ICA1L: variants seen among roughly 807,000 people sequenced by gnomAD.
The protein encoded by ICA1L is islet cell autoantigen 1-like protein.
In ICA1L, 50 loss-of-function variants were observed where a neutral mutation model predicts 61.3. The observed-to-expected ratio is 0.82, with a 90% CI of 0.65 to 1.03. The LOEUF (loss-of-function observed/expected upper bound fraction) is 1.03. Ranked by LOEUF, ICA1L falls within the 50% of genes least tolerant of loss-of-function variation. ICA1L has a pLI of 0.00. For missense variants in ICA1L, 508 were observed against 556.7 expected (o/e 0.91, Z 0.88); for synonymous variants, 161 against 191.3 (o/e 0.84, Z 1.31).
chr2:202,821,035 T>G (rs1029135795), intron 4 of ICA1L, among the ~76,000 whole-genome samples: 2 of 152,208 alleles, frequency 1.3e-5, no homozygotes, highest in Non-Finnish European at 2.9e-5. Flanking sequence ...TTTAAGATGT[T>G]AGTCATTCTG....
chr2:202,779,899 C>A (rs1459160029), intron 12 of ICA1L, among the ~76,000 whole-genome samples: 1 of 151,076 alleles, frequency 6.6e-6, no homozygotes, highest in East Asian at 2.0e-4. Flanking sequence ...CCCACCTCAG[C>A]CTCCGAGAAC....
intron 9 of ICA1L, among the ~76,000 whole-genome samples, chr2:202,806,138 C>G (rs1574340797): frequency 6.6e-6 from 1 of 152,126 alleles, no homozygotes; most frequent in Admixed American, 6.5e-5. Flanking sequence ...GAAGTGCTTA[C>G]ATCACCCCTC....
intron 9 of ICA1L, among the ~76,000 whole-genome samples, chr2:202,801,267 C>T (rs1378463854): frequency 6.6e-6 from 1 of 152,180 alleles, no homozygotes; most frequent in Non-Finnish European, 1.5e-5. Flanking sequence ...CTTCCCCAGA[C>T]ATTTTCAGTA....
chr2:202,796,929 T>C lies in ICA1L; in HGVS notation c.946A>G (p.Arg316Gly). The C allele has an allele frequency of 3.1e-6, 5 of 1,603,350 alleles. No homozygotes were observed. The African/African-American group carries it at 4.0e-5, about 13-fold the overall frequency. The change falls in exon 10 of 13, where the codon AGA becomes GGA. Residue 316 changes from arginine to glycine, a missense_variant. Coordinates refer to ENST00000358299, the MANE Select transcript of ICA1L (RefSeq NM_001288622.3). ...GAAAACTGAGGTGCTCCAAATTCTCTCATTTGAGAATGTTTTTCATTGTGA... is the reference window on the plus strand; with the variant it reads ...GAAAACTGAGGTGCTCCAAATTCTCCCATTTGAGAATGTTTTTCATTGTGA... ...KDHNEKHSQM[R>G]EFGAPQFSNS...
intron 1 of ICA1L, among the ~76,000 whole-genome samples, chr2:202,833,608 T>G (rs1270457210): frequency 6.6e-6 from 1 of 151,620 alleles, no homozygotes; most frequent in Non-Finnish European, 1.5e-5. Flanking sequence ...AATTAAAAAA[T>G]AAAAAGAAGG....
intron 1 of ICA1L, among the ~76,000 whole-genome samples, chr2:202,833,756 A>G (rs1574364154): frequency 1.3e-5 from 2 of 152,240 alleles, no homozygotes; most frequent in African/African-American, 4.8e-5. Context: ...TATATACTCA[A>G]TGGAATACTA....
At chr2:202,841,690 ACG>A (rs2105872637) in intron 1 of ICA1L, 1 of 537,460 alleles carries the variant, frequency 1.9e-6, no homozygotes, top group South Asian at 1.5e-5. Context: ...CACCGGGCCC[ACG>A]CGCATAGGAG....
At chr2:202,856,113 G>A (rs1694764640) in intron 1 of ICA1L, among the ~76,000 whole-genome samples, 1 of 151,176 alleles carries the variant, frequency 6.6e-6, no homozygotes, top group Non-Finnish European at 1.5e-5. Flanking sequence ...GAAAAAGAGG[G>A]ACTCCTCCCT....
chr2:202,817,897 C>T (rs994925628), intron 5 of ICA1L, among the ~76,000 whole-genome samples: 1 of 152,104 alleles, frequency 6.6e-6, no homozygotes, highest in Non-Finnish European at 1.5e-5. Context: ...AAGGGGACCT[C>T]GTTAAAGCAC....
At chr2:202,859,299 T>A (rs1319473003) in intron 1 of ICA1L, among the ~76,000 whole-genome samples, 3 of 152,236 alleles carry the variant, frequency 2.0e-5, no homozygotes, top group Non-Finnish European at 4.4e-5. Flanking sequence ...AGATCTTAAT[T>A]ACTGTTTAGC....
intron 1 of ICA1L, among the ~76,000 whole-genome samples, chr2:202,867,632 T>A (rs1687554822): frequency 2.0e-5 from 3 of 152,196 alleles, no homozygotes; most frequent in African/African-American, 7.2e-5. Context: ...AAAAATATAT[T>A]CAACATTATT....
intron 3 of ICA1L, among the ~76,000 whole-genome samples, chr2:202,824,379 G>A (rs572049438): frequency 1.3e-5 from 2 of 151,680 alleles, no homozygotes; most frequent in Admixed American, 6.6e-5. Context: ...TAGCCTGGGC[G>A]ACAGAGTGAG....
At chr2:202,796,400 T>C (rs752491020) in intron 10 of ICA1L, among the ~76,000 whole-genome samples, 2 of 152,242 alleles carry the variant, frequency 1.3e-5, no homozygotes, top group Non-Finnish European at 2.9e-5. Context: ...TTGAGAAAGA[T>C]ATTCAAGGTA....
At position 202,779,477 on chromosome 2, in the gene ICA1L, G is replaced by GAAAT. The variant is rs2105812449; in HGVS notation, c.*52_*55dup. On this transcript the variant is annotated 3_prime_UTR_variant, in exon 13 of 13. Transcript: ENST00000358299. ...TACAATCTAAATCCTTTCCACGAAG[G>GAAAT]AAATACGTTGCAAAATTGATGTCTC... The GAAAT allele has an allele frequency of 6.6e-6, 7 of 1,059,322 alleles. No homozygotes were observed. Among genetic ancestry groups the GAAAT allele is most frequent in the East Asian group, 2.4e-5 (1 of 41,898 alleles). 65.6% of individuals were successfully genotyped at this position (1,059,322 alleles called of 1,614,324 possible).
intron 10 of ICA1L, 44 bp downstream of exon 10, chr2:202,796,846 G>T: frequency 8.5e-7 from 1 of 1,172,216 alleles, no homozygotes; most frequent in South Asian, 1.5e-5. Flanking sequence ...AAAAATTGAA[G>T]AATTTTAAAG....
chr2:202,780,921 A>ATGAT (rs1461204990), intron 12 of ICA1L, among the ~76,000 whole-genome samples: 1 of 152,208 alleles, frequency 6.6e-6, no homozygotes, highest in African/African-American at 2.4e-5. Context: ...ATGATTCATC[A>ATGAT]TGATATCAGG....
In ICA1L at chr2:202,773,883, GC is replaced by G; in HGVS notation, c.*5649del. 1 of 1,286,904 alleles carries G rather than the reference GC, an allele frequency of 7.8e-7. No homozygotes were observed. The highest frequency in any genetic ancestry group is 1.1e-6 in the Non-Finnish European group (1 of 887,098). The allele number at this position is 1,286,904 out of a possible 1,614,324, so 79.7% of individuals were successfully genotyped here. The stretch of plus-strand genomic sequence containing the variant: ...TACAGAGGCTGAGTGGAACAGTCCT[GC>G]TAAATAAACCAGTGGAATAAGAACA... On this transcript the variant is annotated 3_prime_UTR_variant, in exon 13 of 13. Coordinates refer to ENST00000358299, the MANE Select transcript of ICA1L (RefSeq NM_001288622.3).
At chr2:202,871,397 G>A (rs1687709995) in intron 1 of ICA1L, 1 of 152,200 alleles carries the variant, frequency 6.6e-6, no homozygotes, top group African/African-American at 2.4e-5. Flanking sequence ...AGAACCCCGA[G>A]CAGGGCCTCG....
chr2:202,832,976 T>A (rs992962091), intron 1 of ICA1L, among the ~76,000 whole-genome samples: 6 of 151,968 alleles, frequency 3.9e-5, no homozygotes, highest in African/African-American at 1.5e-4. Flanking sequence ...GATTTGTGAA[T>A]GACATTAATT....
Sources: gnomAD v4.1 joint callset for allele counts (sites outside exome capture counted in the v4.1 genomes callset) on GRCh38, gnomAD v4.1.1 for gene constraint, MANE v1.5 for transcripts, NCBI Gene and HGNC (gene_info 2026-07-23, HGNC 2026-07-21) for gene names.